RASSF2: variants seen among roughly 807,000 people sequenced by gnomAD.
The protein encoded by RASSF2 is Ras association domain family member 2, also known as ras association domain-containing protein 2.
In RASSF2, 34 loss-of-function variants were observed where a neutral mutation model predicts 46.3. The observed-to-expected ratio is 0.73, with a 90% CI of 0.56 to 0.98. The LOEUF (loss-of-function observed/expected upper bound fraction) is 0.98, where lower values mean the gene tolerates loss of function less well. Ranked by LOEUF, RASSF2 falls within the 50% of genes least tolerant of loss-of-function variation. RASSF2 has a pLI of 0.00. For missense variants in RASSF2, 364 were observed against 431.2 expected (o/e 0.84, Z 1.38); for synonymous variants, 158 against 162.5 (o/e 0.97, Z 0.21).
intron 3 of RASSF2, among the ~76,000 whole-genome samples, 192 bp downstream of exon 3, chr20:4,800,780 T>A (rs933086528): frequency 3.3e-5 from 5 of 152,114 alleles, no homozygotes; most frequent in African/African-American, 1.2e-4. Flanking sequence ...TCTCGGGACA[T>A]GTTTTTATCT....
chr20:4,798,739 T>TGG (rs1926596721), intron 3 of RASSF2, among the ~76,000 whole-genome samples: 1 of 150,090 alleles, frequency 6.7e-6, no homozygotes, highest in African/African-American at 2.5e-5. Context: ...GGCAGGAGAA[T>TGG]CACCCAAACC....
chr20:4,801,338 G>A (rs2423008), intron 2 of RASSF2, among the ~76,000 whole-genome samples: 8 of 151,958 alleles, frequency 5.3e-5, no homozygotes, highest in Middle Eastern at 3.2e-3. Context: ...CACACTGACA[G>A]CCACATTGGT....
chr20:4,810,000 A>T (rs1290543150), intron 2 of RASSF2, among the ~76,000 whole-genome samples: 5 of 152,120 alleles, frequency 3.3e-5, no homozygotes, highest in African/African-American at 1.2e-4. Flanking sequence ...CACTGTCAAC[A>T]CTCACAGCAT....
At chr20:4,794,296 T>C (rs1430938151) in intron 5 of RASSF2, among the ~76,000 whole-genome samples, 1 of 152,092 alleles carries the variant, frequency 6.6e-6, no homozygotes, top group African/African-American at 2.4e-5. Flanking sequence ...AGGGCCAGTA[T>C]GGTGGCTCAC....
chr20:4,793,929 C>T (rs1926116591), intron 5 of RASSF2, among the ~76,000 whole-genome samples: 1 of 152,216 alleles, frequency 6.6e-6, no homozygotes, highest in South Asian at 2.1e-4. Context: ...GGAGAAGAAG[C>T]AGGCGGACCG....
At chr20:4,809,244 A>C (rs552310249) in intron 2 of RASSF2, among the ~76,000 whole-genome samples, 2 of 152,182 alleles carry the variant, frequency 1.3e-5, no homozygotes, top group African/African-American at 4.8e-5. Flanking sequence ...CTTCCCTAAG[A>C]CCCAGGAGGA....
chr20:4,817,429 G>A (rs1420435224), intron 2 of RASSF2, among the ~76,000 whole-genome samples: 1 of 152,098 alleles, frequency 6.6e-6, no homozygotes, highest in Non-Finnish European at 1.5e-5. Flanking sequence ...GATGAATTCT[G>A]TCATAGAAAG....
intron 11 of RASSF2, among the ~76,000 whole-genome samples, chr20:4,785,996 A>AAGAGACAC (rs1335814889): frequency 6.6e-6 from 1 of 152,212 alleles, no homozygotes; most frequent in Non-Finnish European, 1.5e-5. Flanking sequence ...GAGGGAGGAC[A>AAGAGACAC]AGAGACACTT....
intron 2 of RASSF2, among the ~76,000 whole-genome samples, chr20:4,802,915 T>TA (rs1491113488): frequency 0.13 from 4,208 of 32,140 alleles, 78 homozygotes; most frequent in East Asian, 0.38. Flanking sequence ...TATATATATA[T>TA]TTTTTTTTTT....
Position 4,790,305 on chromosome 20 carries a change from G to T in RASSF2, c.537+146C>A. Reference sequence around the variant, plus strand: ...AGCCCTCAGGAAGCCAGCAGGGCTTGCAGCCCACCCACAACCCAAAGACTA... The same window carrying T: ...AGCCCTCAGGAAGCCAGCAGGGCTTTCAGCCCACCCACAACCCAAAGACTA... On this transcript the variant is annotated intron_variant, in intron 7 of 11. Transcript: ENST00000379400. This position sits in a 1 kb window ranked among gnomAD's most constrained non-coding sequence, Gnocchi z 4.3. 1 of 963,578 alleles carries T rather than the reference G, an allele frequency of 1.0e-6. No individual in the cohort carries two copies. Among genetic ancestry groups the T allele is most frequent in the Non-Finnish European group, 1.4e-6 (1 of 709,914 alleles). The allele number at this position is 963,578 out of a possible 1,614,324, so 59.7% of individuals were successfully genotyped here.
intron 9 of RASSF2, 51 bp from the exon 10 acceptor site, chr20:4,787,805 A>G: frequency 6.3e-7 from 1 of 1,594,094 alleles, no homozygotes; most frequent in Middle Eastern, 1.7e-4. Context: ...TCTCACATTA[A>G]GTAGTGGTTA....
rs1241386292 is a variant in RASSF2 at position 4,787,735 on chromosome 20, G to A, written c.711C>T (p.Ala237=). 14 of 1,614,134 alleles carry A rather than the reference G, an allele frequency of 8.7e-6. No individual in the cohort carries two copies. Among genetic ancestry groups the A allele is most frequent in the Non-Finnish European group, 1.2e-5 (14 of 1,180,032 alleles). The part of the protein sequence containing the change: ...HTSGEKQKLK[A]TDYPLIARIL... Reference sequence around the variant, plus strand: ...TTCGGGCAATCAGCGGGTAATCGGTGGCCTTCAGCTTCTGTTTCTCTGCAA... The same window carrying A: ...TTCGGGCAATCAGCGGGTAATCGGTAGCCTTCAGCTTCTGTTTCTCTGCAA... The change falls in exon 10 of 12, where the codon GCC becomes GCT. Residue 237 remains alanine, a synonymous_variant. Transcript: ENST00000379400.
chr20:4,807,529 G>A (rs1927438447), intron 2 of RASSF2, among the ~76,000 whole-genome samples: 1 of 152,148 alleles, frequency 6.6e-6, no homozygotes, highest in African/African-American at 2.4e-5. Flanking sequence ...CTCAATACAA[G>A]TAATTAATAA....
rs543777737 is a variant in RASSF2, at chr20:4,787,491, G to A, written c.813+142C>T. ...AGATGTTTGTTACTCTGCAAAAGCT[G>A]GCTTCGAGAGAACCTGGTGCTGAAG... On this transcript the variant is annotated intron_variant, in intron 10 of 11. Transcript: ENST00000379400. The A allele has an allele frequency of 8.8e-4, 883 of 1,002,052 alleles. 3 individuals carry two copies. The highest frequency in any genetic ancestry group is 6.3e-4 in the Non-Finnish European group (427 of 682,344). The allele number at this position is 1,002,052 out of a possible 1,614,324, so 62.1% of individuals were successfully genotyped here.
intron 10 of RASSF2, among the ~76,000 whole-genome samples, chr20:4,787,057 CAA>C (rs112411943): frequency 6.6e-5 from 9 of 135,826 alleles, no homozygotes; most frequent in African/African-American, 2.8e-5. Flanking sequence ...GACTCCATCC[CAA>C]AAAAAAAAAA....
rs1206284444 is a variant in RASSF2, at chr20:4,795,765, G to A, written c.287+50C>T. 1 of 1,564,392 alleles carries A rather than the reference G, an allele frequency of 6.4e-7. No individual in the cohort carries two copies. The highest frequency in any genetic ancestry group is 8.7e-7 in the Non-Finnish European group (1 of 1,151,906). ...GCATTTATCTGCTTGAGAACACATAGAACACCCAAGCATCCCAGTCATCTC... is the reference window on the plus strand; with the variant it reads ...GCATTTATCTGCTTGAGAACACATAAAACACCCAAGCATCCCAGTCATCTC... On this transcript the variant is annotated intron_variant, in intron 5 of 11. Transcript: ENST00000379400. The surrounding 1 kb of genome is among the most constrained non-coding windows in gnomAD (Gnocchi z 4.0).
chr20:4,789,741 G>A lies in RASSF2; in HGVS notation c.538-44C>T, dbSNP rs2122456350. The A allele has an allele frequency of 2.0e-6, 3 of 1,528,204 alleles. No homozygotes were observed. In the South Asian group the frequency reaches 3.4e-5, roughly 17 times the overall value. The allele number at this position is 1,528,204 out of a possible 1,614,324, so 94.7% of individuals were successfully genotyped here. A position where few individuals can be genotyped will look rare whatever the true frequency, so the allele number is the denominator to read the frequency against. On this transcript the variant is annotated intron_variant, in intron 7 of 11. Transcript: ENST00000379400. ...AGCTCAGGGTGGGAGTGGGAACAAGGACCCAGTGCTAAAATCCAGGTGCGG... is the reference window on the plus strand; with the variant it reads ...AGCTCAGGGTGGGAGTGGGAACAAGAACCCAGTGCTAAAATCCAGGTGCGG...
intron 7 of RASSF2, 114 bp from the exon 8 acceptor site, chr20:4,789,811 G>T: frequency 2.4e-6 from 2 of 831,654 alleles, no homozygotes; most frequent in South Asian, 1.6e-5. Context: ...CTCCCTGGGA[G>T]CCCCCGGCAG....
In RASSF2 at chr20:4,820,390, G is replaced by T. The variant is rs545765031; in HGVS notation, c.-33+1939C>A. On this transcript the variant is annotated intron_variant, in intron 2 of 11. Transcript: ENST00000379400. Reference sequence around the variant, plus strand: ...GCTGGGTGTGGTGGCATATGCCTGGGGTCTCAGCTCCTCAAGAGGCTGAGG... The same window carrying T: ...GCTGGGTGTGGTGGCATATGCCTGGTGTCTCAGCTCCTCAAGAGGCTGAGG... 3.9e-5 allele frequency among the ~76,000 whole-genome samples: 6 copies of T among 152,072 alleles called. 1 individual carries two copies. The highest frequency in any genetic ancestry group is 1.4e-4 in the African/African-American group (6 of 41,486).
Sources: gnomAD v4.1 joint callset for allele counts (sites outside exome capture counted in the v4.1 genomes callset) on GRCh38, gnomAD v4.1.1 for gene constraint, Gnocchi (gnomAD v3.1) non-coding constraint, MANE v1.5 for transcripts, NCBI Gene and HGNC (gene_info 2026-07-23, HGNC 2026-07-21) for gene names.